SPECC1: variants seen among roughly 807,000 people sequenced by gnomAD.
SPECC1 encodes the protein cytospin-B.
A neutral mutation model predicts 104.1 loss-of-function variants in SPECC1; 62 were observed. The observed-to-expected ratio is 0.60, with a 90% CI of 0.49 to 0.74. The LOEUF (loss-of-function observed/expected upper bound fraction) is 0.74. Among genes scored for constraint, SPECC1 ranks in the 30% least tolerant of loss-of-function variants. The pLI, the probability that SPECC1 is intolerant of heterozygous loss-of-function variation, is 0.00. For missense variants in SPECC1, 1,306 were observed against 1,310.5 expected, an observed-to-expected ratio of 1.00 and a Z score of 0.05; for synonymous variants, 513 against 501.6, an observed-to-expected ratio of 1.02 and a Z score of -0.30.
rs1344891334 is a variant in SPECC1 at position 20,316,699 on chromosome 17, GTTTGT to G, written c.*2638_*2642del. 7.5e-4 allele frequency: 77 copies of G among 103,042 alleles called. 1 individual carries two copies. The highest frequency in any genetic ancestry group is 7.1e-3 in the African/African-American group (68 of 9,602). 6.4% of individuals were successfully genotyped at this position (103,042 alleles called of 1,614,324 possible). On this transcript the variant is annotated 3_prime_UTR_variant, in exon 15 of 15. Transcript: ENST00000395527. ...TTTTGTGTTTTTTTTGTTGTTGTTTGTTTGTTTTTTTTTTTGAGACAGAGTCTTGC... is the reference window on the plus strand; with the variant it reads ...TTTTGTGTTTTTTTTGTTGTTGTTTGTTTTTTTTTTGAGACAGAGTCTTGC...
intron 3 of SPECC1, among the ~76,000 whole-genome samples, chr17:20,133,139 T>C (rs967195853): frequency 2.0e-4 from 30 of 152,198 alleles, no homozygotes; most frequent in African/African-American, 7.2e-4. Context: ...GTAATCTGTA[T>C]ATTCTTTCTC....
intron 1 of SPECC1, among the ~76,000 whole-genome samples, chr17:20,051,289 A>C (rs11870673): frequency 0.074 from 11,148 of 151,306 alleles, 550 homozygotes; most frequent in African/African-American, 0.14. Context: ...AATTCTCCTG[A>C]CTCAGCCTCC....
intron 12 of SPECC1, among the ~76,000 whole-genome samples, chr17:20,294,788 G>A (rs2041292158): frequency 6.6e-6 from 1 of 152,092 alleles, no homozygotes; most frequent in African/African-American, 2.4e-5. Flanking sequence ...AATCAGGTGG[G>A]TTAATTTGAG....
chr17:20,213,410 C>G (rs1396130930), intron 4 of SPECC1, among the ~76,000 whole-genome samples: 1 of 152,106 alleles, frequency 6.6e-6, no homozygotes, highest in East Asian at 1.9e-4. Flanking sequence ...ATTATAATCA[C>G]TGATTTAGAC....
intron 1 of SPECC1, among the ~76,000 whole-genome samples, chr17:20,026,901 C>T (rs1358928410): frequency 1.3e-5 from 2 of 152,074 alleles, no homozygotes; most frequent in African/African-American, 2.4e-5. Flanking sequence ...CATCCCTACC[C>T]ACAGTGTATA....
At chr17:20,213,178 G>A (rs1364081957) in intron 4 of SPECC1, among the ~76,000 whole-genome samples, 1 of 151,948 alleles carries the variant, frequency 6.6e-6, no homozygotes, top group East Asian at 1.9e-4. Flanking sequence ...GCTCTCTGCA[G>A]TCTCAAATTC....
chr17:20,091,307 A>G (rs2047391095), intron 1 of SPECC1, among the ~76,000 whole-genome samples: 1 of 152,016 alleles, frequency 6.6e-6, no homozygotes. Flanking sequence ...CTGCGCCCCA[A>G]CCAGATTTTC....
chr17:20,075,190 C>G (rs1157320543), intron 1 of SPECC1, among the ~76,000 whole-genome samples: 1 of 152,122 alleles, frequency 6.6e-6, no homozygotes, highest in East Asian at 1.9e-4. Context: ...GGCGTGAGCC[C>G]CCACACCTGG....
intron 12 of SPECC1, among the ~76,000 whole-genome samples, chr17:20,287,349 G>A (rs896971398): frequency 4.7e-5 from 7 of 148,830 alleles, no homozygotes; most frequent in South Asian, 2.1e-4. Context: ...CCCGGGAAGC[G>A]GAGCTTGCAG....
chr17:20,201,297 TA>T lies in SPECC1; in HGVS notation c.284-3023del, dbSNP rs562224075. 1.6e-3 allele frequency among the ~76,000 whole-genome samples: 216 copies of T among 133,372 alleles called. 1 individual carries two copies. The highest frequency in any genetic ancestry group is 1.9e-3 in the African/African-American group (69 of 36,732). The allele number at this position is 133,372 out of a possible 152,430, so 87.5% of individuals were successfully genotyped here. The stretch of plus-strand genomic sequence containing the variant: ...CAACATGGTGAAACCCCATCTCTAC[TA>T]AAAAAAAAAAAACAAAAAAACGAAA... On this transcript the variant is annotated intron_variant, in intron 3 of 14. Transcript: ENST00000395527.
intron 2 of SPECC1, among the ~76,000 whole-genome samples, chr17:20,102,748 T>C (rs190195885): frequency 6.6e-6 from 1 of 152,180 alleles, no homozygotes; most frequent in East Asian, 1.9e-4. Flanking sequence ...CCCCGTTGCA[T>C]TGCGTTCATT....
At chr17:20,308,098 A>G (rs917020344) in intron 14 of SPECC1, among the ~76,000 whole-genome samples, 7 of 152,090 alleles carry the variant, frequency 4.6e-5, no homozygotes, top group Non-Finnish European at 1.0e-4. Context: ...AAATGAGATA[A>G]CAATTCCAGC....
At position 20,082,153 on chromosome 17, in the gene SPECC1, TG is replaced by T. The variant is rs1448812627; in HGVS notation, c.-21-14477del. Among the ~76,000 whole-genome samples, 6 of 152,228 alleles carry T rather than the reference TG, an allele frequency of 3.9e-5. No homozygotes were observed. In the East Asian group the frequency reaches 7.7e-4, roughly 20 times the overall value. Reference sequence around the variant, plus strand: ...TGGCCAAACAGCACTACTCCTTGCCTGCTTTTGGGGGTGCTCCTCTTCTCAC... The same window carrying T: ...TGGCCAAACAGCACTACTCCTTGCCTCTTTTGGGGGTGCTCCTCTTCTCAC... On this transcript the variant is annotated intron_variant, in intron 1 of 14. Transcript: ENST00000395527.
At chr17:20,312,602 G>A (rs2041962310) in intron 14 of SPECC1, among the ~76,000 whole-genome samples, 2 of 152,130 alleles carry the variant, frequency 1.3e-5, no homozygotes, top group Non-Finnish European at 2.9e-5. Context: ...GTTCCTTTCT[G>A]TAAGTCATGT....
chr17:20,041,620 CTT>C (rs35255510), intron 1 of SPECC1, among the ~76,000 whole-genome samples: 5,660 of 50,256 alleles, frequency 0.11, 14 homozygotes, highest in Non-Finnish European at 0.17. Context: ...TTTGTTGAGG[CTT>C]TTTTTTTTTT....
chr17:20,215,657 T>C (rs552137200), intron 4 of SPECC1, among the ~76,000 whole-genome samples: 3 of 152,372 alleles, frequency 2.0e-5, no homozygotes, highest in African/African-American at 7.2e-5. Flanking sequence ...TTCAAGATAC[T>C]GTCTTTGCTA....
intron 13 of SPECC1, among the ~76,000 whole-genome samples, chr17:20,299,585 G>GA (rs938775339): frequency 7.8e-5 from 10 of 128,236 alleles, no homozygotes; most frequent in Non-Finnish European, 1.2e-4. Flanking sequence ...AAAAAGAAAA[G>GA]AAAAAAAACC....
chr17:20,186,763 C>T (rs2035310019), intron 3 of SPECC1, among the ~76,000 whole-genome samples: 1 of 152,106 alleles, frequency 6.6e-6, no homozygotes, highest in Non-Finnish European at 1.5e-5. Flanking sequence ...ATGGGTGTCT[C>T]ACTATGTTGC....
At chr17:20,268,704 A>C (rs2040297170) in intron 12 of SPECC1, among the ~76,000 whole-genome samples, 1 of 152,176 alleles carries the variant, frequency 6.6e-6, no homozygotes, top group African/African-American at 2.4e-5. Flanking sequence ...AGACATTTTC[A>C]GTGGCACAGG....
Sources: gnomAD v4.1 joint callset for allele counts (sites outside exome capture counted in the v4.1 genomes callset) on GRCh38, gnomAD v4.1.1 for gene constraint, MANE v1.5 for transcripts, NCBI Gene and HGNC (gene_info 2026-07-23, HGNC 2026-07-21) for gene names.